Variants in CNTNAP2 observed in about 807,000 individuals in gnomAD.
CNTNAP2 encodes the protein contactin-associated protein-like 2.
Under a neutral mutation model 155.2 loss-of-function variants are expected in CNTNAP2, and 98 were observed. The ratio of observed to expected loss-of-function variants is 0.63; its 90% confidence interval spans 0.54 to 0.75. The LOEUF is 0.75. Among genes scored for constraint, CNTNAP2 ranks in the 30% least tolerant of loss-of-function variants. The probability of loss-of-function intolerance (pLI) is 0.00; values close to 1 mark genes in which losing one functional copy is unlikely to be tolerated. For synonymous variants in CNTNAP2, 651 were observed against 631.2 expected, an observed-to-expected ratio of 1.03 and a Z score of -0.47; for missense variants, 1,727 against 1,688.1, an observed-to-expected ratio of 1.02 and a Z score of -0.40.
intron 21 of CNTNAP2, among the ~76,000 whole-genome samples, chr7:148,286,009 A>G (rs572856630): frequency 6.6e-6 from 1 of 152,336 alleles, no homozygotes; most frequent in East Asian, 1.9e-4. Context: ...GCTAGAGAAA[A>G]GAAAACATTA....
At chr7:147,382,974 T>C (rs2697457) in intron 9 of CNTNAP2, among the ~76,000 whole-genome samples, 19,670 of 152,252 alleles carry the variant, frequency 0.13, 1,532 homozygotes, top group East Asian at 0.32. Context: ...TATATTACTC[T>C]TTCTGTAGTT....
chr7:146,492,148 C>A (rs921833813), intron 1 of CNTNAP2, among the ~76,000 whole-genome samples: 3 of 151,020 alleles, frequency 2.0e-5, no homozygotes, highest in Admixed American at 2.0e-4. Context: ...CATCCTTGTG[C>A]ACACAATGGT....
chr7:148,224,222 A>C (rs1355201149), intron 19 of CNTNAP2, among the ~76,000 whole-genome samples: 1 of 151,846 alleles, frequency 6.6e-6, no homozygotes, highest in Non-Finnish European at 1.5e-5. Flanking sequence ...CAGAGAGTAA[A>C]AACCTAAGAC....
In CNTNAP2 at chr7:146,227,926, C is replaced by T. The variant is rs61062892; in HGVS notation, c.97+110953C>T. Among the ~76,000 whole-genome samples the T allele has an allele frequency of 5.2e-3, 792 of 152,312 alleles. 6 individuals are homozygous for T. Among genetic ancestry groups the T allele is most frequent in the African/African-American group, 0.018 (749 of 41,564 alleles). ...AAGCAGAGGAATATTTTAACACTGA[C>T]ATACTTTCAAATTGCTACCCATGGT... On this transcript the variant is annotated intron_variant, in intron 1 of 23. Coordinates refer to ENST00000361727, the MANE Select transcript of CNTNAP2 (RefSeq NM_014141.6).
chr7:147,875,995 T>C (rs1419843306), intron 13 of CNTNAP2, among the ~76,000 whole-genome samples: 1 of 152,238 alleles, frequency 6.6e-6, no homozygotes, highest in Non-Finnish European at 1.5e-5. Flanking sequence ...ATAAAAATCA[T>C]ACTGAATCAC....
chr7:147,759,203 T>G (rs1358190432), intron 13 of CNTNAP2, among the ~76,000 whole-genome samples: 2 of 152,204 alleles, frequency 1.3e-5, no homozygotes, highest in Non-Finnish European at 2.9e-5. Context: ...AGACATAAAA[T>G]TATTTTATAA....
chr7:146,870,275 T>C (rs1268740882), intron 3 of CNTNAP2, among the ~76,000 whole-genome samples: 1 of 151,980 alleles, frequency 6.6e-6, no homozygotes, highest in Non-Finnish European at 1.5e-5. Flanking sequence ...ATTATTGGTC[T>C]GTTTGGGGAA....
intron 20 of CNTNAP2, among the ~76,000 whole-genome samples, chr7:148,235,328 A>T (rs1796024801): frequency 6.6e-6 from 1 of 152,242 alleles, no homozygotes; most frequent in African/African-American, 2.4e-5. Context: ...GCTAGGTGCT[A>T]GAAGTAGAAG....
chr7:146,912,786 A>C (rs900597666), intron 3 of CNTNAP2, among the ~76,000 whole-genome samples: 1 of 152,182 alleles, frequency 6.6e-6, no homozygotes, highest in Non-Finnish European at 1.5e-5. Context: ...TGAAAATAAC[A>C]TTGTTGAGTA....
intron 3 of CNTNAP2, among the ~76,000 whole-genome samples, chr7:147,021,093 C>T (rs1044544296): frequency 2.0e-5 from 3 of 152,122 alleles, no homozygotes; most frequent in Non-Finnish European, 2.9e-5. Flanking sequence ...AGTCCCAGAA[C>T]GAGCTTGTCC....
intron 15 of CNTNAP2, among the ~76,000 whole-genome samples, chr7:148,093,900 G>C (rs1268732605): frequency 2.0e-5 from 3 of 152,078 alleles, no homozygotes; most frequent in Admixed American, 2.0e-4. Flanking sequence ...GTAACTACAG[G>C]CCAGTGCCAC....
At chr7:147,965,483 G>T (rs2116848205) in intron 14 of CNTNAP2, among the ~76,000 whole-genome samples, 1 of 150,914 alleles carries the variant, frequency 6.6e-6, no homozygotes, top group East Asian at 2.0e-4. Flanking sequence ...TTTTCTTCAT[G>T]ACATTACTAG....
chr7:147,192,264 C>G (rs1802694871), intron 8 of CNTNAP2, among the ~76,000 whole-genome samples: 1 of 152,180 alleles, frequency 6.6e-6, no homozygotes, highest in Non-Finnish European at 1.5e-5. Flanking sequence ...TCCCAGTCAG[C>G]TGCCTTTCCC....
chr7:147,059,352 C>A (rs1273823061), intron 4 of CNTNAP2, among the ~76,000 whole-genome samples: 2 of 152,022 alleles, frequency 1.3e-5, no homozygotes, highest in Non-Finnish European at 2.9e-5. Context: ...CTCTAGGCAA[C>A]CTCAGTCTGG....
chr7:146,544,848 T>C (rs1223916208), intron 1 of CNTNAP2, among the ~76,000 whole-genome samples: 1 of 151,846 alleles, frequency 6.6e-6, no homozygotes, highest in Admixed American at 6.6e-5. Flanking sequence ...CTAGATAGTG[T>C]TGACAGTATA....
chr7:146,648,087 G>A (rs778957831), intron 1 of CNTNAP2, among the ~76,000 whole-genome samples: 3 of 152,094 alleles, frequency 2.0e-5, no homozygotes, highest in Non-Finnish European at 2.9e-5. Context: ...TGAGGCTTCC[G>A]TATCACAGGT....
chr7:147,417,641 T>A (rs1797218030), intron 10 of CNTNAP2, among the ~76,000 whole-genome samples: 3 of 152,230 alleles, frequency 2.0e-5, no homozygotes, highest in Non-Finnish European at 4.4e-5. Context: ...TTTCTCATTT[T>A]TATTCTTTCC....
intron 8 of CNTNAP2, among the ~76,000 whole-genome samples, chr7:147,232,675 A>T (rs1343224038): frequency 2.0e-5 from 3 of 152,248 alleles, no homozygotes; most frequent in African/African-American, 7.2e-5. Flanking sequence ...CAATGTAAAA[A>T]ATTAACTGAA....
chr7:147,851,171 A>T (rs1798932070), intron 13 of CNTNAP2, among the ~76,000 whole-genome samples: 1 of 152,180 alleles, frequency 6.6e-6, no homozygotes, highest in Non-Finnish European at 1.5e-5. Flanking sequence ...ACATGAAAAA[A>T]TGCTCATCAT....
Sources: gnomAD v4.1 joint callset for allele counts (sites outside exome capture counted in the v4.1 genomes callset) on GRCh38, gnomAD v4.1.1 for gene constraint, MANE v1.5 for transcripts, NCBI Gene and HGNC (gene_info 2026-07-23, HGNC 2026-07-21) for gene names.